The following RRN3 variants were observed in gnomAD, a reference collection of about 807,000 sequenced individuals.
RRN3 encodes the protein RNA polymerase I-specific transcription initiation factor RRN3.
In RRN3, 38 loss-of-function variants were observed where a neutral mutation model predicts 82.3. The observed-to-expected ratio is 0.46, with a 90% confidence interval of 0.36 to 0.61. The LOEUF (loss-of-function observed/expected upper bound fraction) is 0.61, where lower values mean the gene tolerates loss of function less well. Ranked by LOEUF, RRN3 falls within the 20% of genes least tolerant of loss-of-function variation. The pLI, the probability that RRN3 is intolerant of heterozygous loss-of-function variation, is 0.00. For missense variants in RRN3, 726 were observed against 793.1 expected (o/e 0.92, Z 1.02); for synonymous variants, 284 against 284.3 (o/e 1.00, Z 0.01).
At chr16:15,084,964 G>T (rs2045858867) in intron 6 of RRN3, among the ~76,000 whole-genome samples, 1 of 152,024 alleles carries the variant, frequency 6.6e-6, no homozygotes, top group African/African-American at 2.4e-5. Context: ...TACTCAGGAG[G>T]CTGAAGCAGG....
chr16:15,072,013 C>A (rs1396580927), intron 12 of RRN3, among the ~76,000 whole-genome samples: 1 of 152,130 alleles, frequency 6.6e-6, no homozygotes, highest in African/African-American at 2.4e-5. Context: ...TACGGACTAA[C>A]GCACAGCTGG....
intron 3 of RRN3, among the ~76,000 whole-genome samples, chr16:15,088,206 C>G (rs2045984282): frequency 6.6e-6 from 1 of 152,074 alleles, no homozygotes; most frequent in South Asian, 2.1e-4. Flanking sequence ...GGAACAGTGG[C>G]TCATGCCTGT....
intron 10 of RRN3, among the ~76,000 whole-genome samples, chr16:15,075,416 G>GA (rs1358551264): frequency 6.6e-6 from 1 of 151,546 alleles, no homozygotes; most frequent in East Asian, 1.9e-4. Context: ...TACAAAAATA[G>GA]AAAAAAAGTA....
rs2045630194 is a variant in RRN3 at position 15,079,989 on chromosome 16, A to G, written c.765+9T>C. ...AAATGAAAATAAAAATAGATTACTC[A>G]ATACTTACATCCAACTTGAGTAGTT... On this transcript the variant is annotated intron_variant, in intron 9 of 17. Coordinates refer to ENST00000198767, the MANE Select transcript of RRN3 (RefSeq NM_018427.5). 5.1e-6 allele frequency: 8 copies of G among 1,583,806 alleles called. No homozygotes were observed. Among genetic ancestry groups the G allele is most frequent in the South Asian group, 1.2e-5 (1 of 86,180 alleles).
chr16:15,082,433 G>C (rs998877545), intron 8 of RRN3, among the ~76,000 whole-genome samples: 1 of 152,060 alleles, frequency 6.6e-6, no homozygotes, highest in Non-Finnish European at 1.5e-5. Flanking sequence ...AACACTTTGC[G>C]AGGTGGAGAC....
chr16:15,068,280 T>G lies in RRN3; in HGVS notation c.1445-3A>C. The G allele has an allele frequency of 6.4e-7, 1 of 1,564,238 alleles. No homozygotes were observed. Among genetic ancestry groups the G allele is most frequent in the Non-Finnish European group, 8.6e-7 (1 of 1,161,810 alleles). On this transcript the variant is annotated splice_region_variant and splice_polypyrimidine_tract_variant and intron_variant, in intron 14 of 17. Transcript: ENST00000198767. ...CAGACTCTGAAGATACTGCAAACCT[T>G]TGGTTTAAAAAAAAAAAAGATTTTT...
At chr16:15,084,864 G>A (rs1485381533) in intron 6 of RRN3, among the ~76,000 whole-genome samples, 159 bp from the exon 7 acceptor site, 9 of 152,048 alleles carry the variant, frequency 5.9e-5, no homozygotes, top group African/African-American at 9.7e-5. Context: ...TCAGGAGTTC[G>A]AGACCAGCCT....
intron 1 of RRN3, 50 bp from the exon 2 acceptor site, chr16:15,092,664 T>G: frequency 8.5e-7 from 1 of 1,169,742 alleles, no homozygotes; most frequent in Non-Finnish European, 1.3e-6. Context: ...ATAATAAAAA[T>G]TATAATAGCC....
At chr16:15,079,867 G>A in intron 9 of RRN3, 131 bp downstream of exon 9, 1 of 1,067,290 alleles carries the variant, frequency 9.4e-7, no homozygotes, top group East Asian at 2.9e-5. Flanking sequence ...AAAGTGCTGG[G>A]AATACAGGCG....
chr16:15,078,527 T>C lies in RRN3; in HGVS notation c.765+1471A>G, dbSNP rs2045558974. 2.0e-5 allele frequency among the ~76,000 whole-genome samples: 3 copies of C among 152,146 alleles called. No individual in the cohort carries two copies. The South Asian group carries it at 6.2e-4, about 31-fold the overall frequency. ...TTCTAACCACTAAATCCAAGGACTG[T>C]TGCTCTTTTCATCTTTCTAAAAAAT... On this transcript the variant is annotated intron_variant, in intron 9 of 17. Coordinates refer to ENST00000198767, the MANE Select transcript of RRN3 (RefSeq NM_018427.5).
chr16:15,093,063 G>C (rs1482440282), intron 1 of RRN3, among the ~76,000 whole-genome samples: 1 of 152,072 alleles, frequency 6.6e-6, no homozygotes, highest in Non-Finnish European at 1.5e-5. Context: ...GAGTGCAGTG[G>C]TGTGATCTTG....
At chr16:15,087,993 A>T (rs1423294133) in intron 3 of RRN3, among the ~76,000 whole-genome samples, 1 of 152,144 alleles carries the variant, frequency 6.6e-6, no homozygotes, top group East Asian at 1.9e-4. Flanking sequence ...GCATGCCCGT[A>T]ATCCCAGCTA....
At chr16:15,082,586 T>C (rs541694993) in intron 8 of RRN3, among the ~76,000 whole-genome samples, 14 of 151,194 alleles carry the variant, frequency 9.3e-5, no homozygotes, top group African/African-American at 2.7e-4. Flanking sequence ...GGTGGGAGAG[T>C]CACTTGAACC....
At chr16:15,090,885 T>G (rs1373856439) in intron 3 of RRN3, among the ~76,000 whole-genome samples, 2 of 151,898 alleles carry the variant, frequency 1.3e-5, no homozygotes, top group Non-Finnish European at 2.9e-5. Context: ...TTTTTTTTTT[T>G]TTTTGCTTTG....
chr16:15,080,919 T>C lies in RRN3; in HGVS notation c.667-823A>G, dbSNP rs565663790. ...ATGTAAACCATTCCTCTCATATCAA[T>C]GGAGTCATACACAGTTTGTGGCATG... On this transcript the variant is annotated intron_variant, in intron 8 of 17. Transcript: ENST00000198767. Among the ~76,000 whole-genome samples, 6 of 151,956 alleles carry C rather than the reference T, an allele frequency of 3.9e-5. No homozygotes were observed. In the East Asian group the frequency reaches 1.2e-3, roughly 29 times the overall value.
intron 9 of RRN3, among the ~76,000 whole-genome samples, chr16:15,077,607 C>G (rs545704744): frequency 6.6e-6 from 1 of 152,106 alleles, no homozygotes; most frequent in Non-Finnish European, 1.5e-5. Flanking sequence ...TTTGGGAGGC[C>G]GAGGTGGACG....
intron 3 of RRN3, among the ~76,000 whole-genome samples, chr16:15,089,798 A>AC (rs1161321500): frequency 6.7e-6 from 1 of 150,168 alleles, no homozygotes; most frequent in East Asian, 2.0e-4. Flanking sequence ...AAAAAAAAAA[A>AC]AAAAAAAAAA....
chr16:15,077,625 A>G (rs2045517904), intron 9 of RRN3, among the ~76,000 whole-genome samples: 1 of 152,156 alleles, frequency 6.6e-6, no homozygotes, highest in Non-Finnish European at 1.5e-5. Context: ...ACGGATCATG[A>G]GGTCAGGAGA....
chr16:15,093,058 C>T (rs1236912194), intron 1 of RRN3, among the ~76,000 whole-genome samples: 2 of 151,960 alleles, frequency 1.3e-5, no homozygotes, highest in South Asian at 2.1e-4. Context: ...GGCTGGAGTG[C>T]AGTGGTGTGA....
Sources: allele counts gnomAD v4.1 joint callset (sites outside exome capture counted in the v4.1 genomes callset), GRCh38; gene constraint gnomAD v4.1.1; transcripts MANE v1.5; gene names NCBI Gene and HGNC (gene_info 2026-07-23, HGNC 2026-07-21).